ARFGAP3: variants seen among roughly 807,000 people sequenced by gnomAD.
ARFGAP3 encodes ARF GTPase activating protein 3, also known as ADP-ribosylation factor GTPase-activating protein 3.
Under a neutral mutation model 75.0 loss-of-function variants are expected in ARFGAP3, and 72 were observed. That is an observed-to-expected ratio of 0.96 (90% CI 0.79 to 1.17). The LOEUF (loss-of-function observed/expected upper bound fraction) is 1.17, where lower values mean the gene tolerates loss of function less well. Among genes scored for constraint, ARFGAP3 ranks in the 50% most tolerant of loss-of-function variants. ARFGAP3 has a pLI of 0.00. For missense variants in ARFGAP3, 620 were observed against 626.6 expected, an observed-to-expected ratio of 0.99 and a Z score of 0.11; for synonymous variants, 221 against 217.9, an observed-to-expected ratio of 1.01 and a Z score of -0.13.
chr22:42,808,647 G>A lies in ARFGAP3; in HGVS notation c.1320+120C>T, dbSNP rs377579652. 2.1e-5 allele frequency: 16 copies of A among 767,464 alleles called. No individual in the cohort carries two copies. In the East Asian group the frequency reaches 2.6e-4, roughly 13 times the overall value. 47.5% of individuals were successfully genotyped at this position (767,464 alleles called of 1,614,324 possible). ...TCAAGTCCTGACTCCAGCACTTTCA[G>A]GCCAGAGGGCATCTGGCAGCCTGAG... On this transcript the variant is annotated intron_variant, in intron 13 of 15. Transcript: ENST00000263245.
At chr22:42,843,773 G>A (rs1360281772) in intron 2 of ARFGAP3, among the ~76,000 whole-genome samples, 1 of 152,120 alleles carries the variant, frequency 6.6e-6, no homozygotes, top group Non-Finnish European at 1.5e-5. Flanking sequence ...ATACGTAACG[G>A]CAAACTTGAG....
At chr22:42,831,454 G>A (rs1278723293) in intron 6 of ARFGAP3, 95 bp downstream of exon 6, 3 of 1,286,484 alleles carry the variant, frequency 2.3e-6, no homozygotes, top group East Asian at 2.4e-5. Context: ...TTACAGGCAT[G>A]AGCCACTGTG....
chr22:42,831,341 G>GT (rs150841532), intron 6 of ARFGAP3, among the ~76,000 whole-genome samples: 4,828 of 140,828 alleles, frequency 0.034, 96 homozygotes, highest in African/African-American at 0.047. Flanking sequence ...TTAGGTTTCA[G>GT]TTTTTTTTTT....
intron 5 of ARFGAP3, 198 bp from the exon 6 acceptor site, chr22:42,831,834 G>T: frequency 1.3e-6 from 1 of 757,374 alleles, no homozygotes; most frequent in Non-Finnish European, 1.6e-6. Context: ...CCAGGCTAGA[G>T]TGCAGAAGCA....
chr22:42,851,010 T>C (rs1479877720), intron 1 of ARFGAP3, among the ~76,000 whole-genome samples: 1 of 152,172 alleles, frequency 6.6e-6, no homozygotes, highest in East Asian at 1.9e-4. Flanking sequence ...CCCTCTTCTG[T>C]GGGGCATCAA....
chr22:42,844,604 A>T (rs4820488), intron 2 of ARFGAP3, among the ~76,000 whole-genome samples: 1,505 of 146,674 alleles, frequency 0.01, 33 homozygotes, highest in Middle Eastern at 0.017. Flanking sequence ...AAAAAAAAAA[A>T]AAATAAAAAA....
intron 9 of ARFGAP3, among the ~76,000 whole-genome samples, chr22:42,818,851 C>T (rs1302770982): frequency 1.0e-5 from 1 of 98,834 alleles, no homozygotes; most frequent in East Asian, 2.1e-4. Flanking sequence ...CTTGCTCTGT[C>T]GCCCAGGCTG....
At chr22:42,854,490 T>C (rs1927413441) in intron 1 of ARFGAP3, among the ~76,000 whole-genome samples, 1 of 152,164 alleles carries the variant, frequency 6.6e-6, no homozygotes, top group Non-Finnish European at 1.5e-5. Flanking sequence ...CCATGCGTGA[T>C]GGCACACGCC....
At chr22:42,823,149 A>G (rs1324512981) in intron 8 of ARFGAP3, among the ~76,000 whole-genome samples, 1 of 151,912 alleles carries the variant, frequency 6.6e-6, no homozygotes, top group Non-Finnish European at 1.5e-5. Flanking sequence ...TTGATCTGCA[A>G]TTGGTTGAAT....
intron 11 of ARFGAP3, among the ~76,000 whole-genome samples, chr22:42,813,913 T>C (rs553233301): frequency 6.6e-6 from 1 of 152,362 alleles, no homozygotes; most frequent in Admixed American, 6.5e-5. Context: ...TCAATGCTTT[T>C]TTACTTTTAT....
intron 11 of ARFGAP3, among the ~76,000 whole-genome samples, chr22:42,813,977 C>T (rs1294622408): frequency 6.6e-6 from 1 of 152,178 alleles, no homozygotes; most frequent in African/African-American, 2.4e-5. Flanking sequence ...CTTAAAATCC[C>T]TTGATAAGAG....
intron 9 of ARFGAP3, among the ~76,000 whole-genome samples, chr22:42,820,537 C>T (rs1925767188): frequency 6.6e-6 from 1 of 152,210 alleles, no homozygotes; most frequent in Admixed American, 6.5e-5. Context: ...GTTTGATGCA[C>T]TTCAATGAGC....
At chr22:42,854,699 A>G (rs372334121) in intron 1 of ARFGAP3, among the ~76,000 whole-genome samples, 24 of 152,274 alleles carry the variant, frequency 1.6e-4, no homozygotes, top group East Asian at 1.5e-3. Context: ...AAATCATCAT[A>G]CATGAGACGA....
intron 8 of ARFGAP3, 182 bp from the exon 9 acceptor site, chr22:42,822,591 G>C (rs1008690131): frequency 7.1e-6 from 2 of 282,462 alleles, no homozygotes; most frequent in Non-Finnish European, 1.1e-5. Flanking sequence ...CAGCATGGGG[G>C]AATTGGTTTC....
Position 42,831,589 on chromosome 22 carries a change from T to C in ARFGAP3, c.525A>G (p.Leu175=), listed in dbSNP as rs751491854. Residue 175 remains leucine, a synonymous_variant, in exon 6 of 16, where the codon TTA becomes TTG. Transcript: ENST00000263245. The part of the protein sequence containing the change: ...WASAIAEPSS[L]TSRPVETTLE... ...AAGTGGTTTCCACAGGCCTTGATGT[T>C]AAAGAAGATGGTTCTGCTATTGCTG... 3 of 1,614,032 alleles carry C rather than the reference T, an allele frequency of 1.9e-6. No individual in the cohort carries two copies. The highest frequency in any genetic ancestry group is 2.5e-6 in the Non-Finnish European group (3 of 1,179,974).
chr22:42,801,128 C>G (rs1428989894), intron 14 of ARFGAP3, among the ~76,000 whole-genome samples: 1 of 152,186 alleles, frequency 6.6e-6, no homozygotes, highest in East Asian at 1.9e-4. Context: ...GGGGCGGTGC[C>G]TGAGCATGAG....
intron 1 of ARFGAP3, among the ~76,000 whole-genome samples, chr22:42,851,519 C>T (rs1927275752): frequency 6.6e-6 from 1 of 152,234 alleles, no homozygotes; most frequent in Admixed American, 6.5e-5. Flanking sequence ...AACACAGGTG[C>T]TCACTAAATG....
intron 11 of ARFGAP3, among the ~76,000 whole-genome samples, chr22:42,815,934 G>A (rs944701604): frequency 2.0e-5 from 3 of 152,128 alleles, no homozygotes; most frequent in Non-Finnish European, 2.9e-5. Context: ...CCAACATGGC[G>A]AAACTCCATC....
chr22:42,850,571 C>CAAAAAAAA (rs57841993), intron 1 of ARFGAP3, among the ~76,000 whole-genome samples: 3 of 57,584 alleles, frequency 5.2e-5, no homozygotes, highest in Admixed American at 2.5e-4. Flanking sequence ...ACCCTGCTAT[C>CAAAAAAAA]AAAAAAAAAA....
Sources: allele counts gnomAD v4.1 joint callset (sites outside exome capture counted in the v4.1 genomes callset), GRCh38; gene constraint gnomAD v4.1.1; transcripts MANE v1.5; gene names NCBI Gene and HGNC (gene_info 2026-07-23, HGNC 2026-07-21).